Variants in PACRG observed in about 807,000 individuals in gnomAD.
PACRG encodes the protein parkin coregulated.
In PACRG, 29 loss-of-function variants were observed where a neutral mutation model predicts 29.7. The observed-to-expected ratio is 0.98, with a 90% CI of 0.73 to 1.33. The LOEUF (loss-of-function observed/expected upper bound fraction) is 1.33. Among genes scored for constraint, PACRG ranks in the 40% most tolerant of loss-of-function variants. The pLI, the probability that PACRG is intolerant of heterozygous loss-of-function variation, is 0.00. For synonymous variants in PACRG, 116 were observed against 118.7 expected, an observed-to-expected ratio of 0.98 and a Z score of 0.15; for missense variants, 279 against 316.2, an observed-to-expected ratio of 0.88 and a Z score of 0.89.
At chr6:162,751,031 C>T (rs1781472859) in intron 1 of PACRG, among the ~76,000 whole-genome samples, 1 of 152,114 alleles carries the variant, frequency 6.6e-6, no homozygotes, top group Non-Finnish European at 1.5e-5. Context: ...TTTACAAATG[C>T]ACTTAATTCA....
intron 4 of PACRG, among the ~76,000 whole-genome samples, chr6:163,105,670 G>A (rs1190621589): frequency 6.6e-6 from 1 of 152,080 alleles, no homozygotes; most frequent in Non-Finnish European, 1.5e-5. Flanking sequence ...GCTATTTGAG[G>A]TGTTCTAGAC....
intron 4 of PACRG, among the ~76,000 whole-genome samples, chr6:163,185,787 T>A (rs1779890133): frequency 6.6e-6 from 1 of 152,196 alleles, no homozygotes; most frequent in African/African-American, 2.4e-5. Context: ...CCGTGTAATG[T>A]CCTGATCCTG....
intron 2 of PACRG, among the ~76,000 whole-genome samples, chr6:162,921,302 G>T (rs538722035): frequency 6.6e-6 from 1 of 152,276 alleles, no homozygotes; most frequent in Non-Finnish European, 1.5e-5. Context: ...CCGCCAGGTG[G>T]TGGGGCAGGG....
intron 2 of PACRG, among the ~76,000 whole-genome samples, chr6:162,952,749 TA>T (rs1799747482): frequency 6.6e-6 from 1 of 152,144 alleles, no homozygotes; most frequent in South Asian, 2.1e-4. Context: ...GCATCATCCT[TA>T]GTCTGGGAAG....
intron 2 of PACRG, among the ~76,000 whole-genome samples, chr6:162,868,739 T>C (rs1792539743): frequency 6.6e-6 from 1 of 152,242 alleles, no homozygotes; most frequent in South Asian, 2.1e-4. Flanking sequence ...GCACAGGGTC[T>C]GCCGCGGGAT....
chr6:163,079,839 T>C (rs1491003319), intron 3 of PACRG, among the ~76,000 whole-genome samples: 1 of 150,050 alleles, frequency 6.7e-6, no homozygotes, highest in African/African-American at 2.5e-5. Flanking sequence ...CTAAACCCTG[T>C]GGAAATGTAG....
chr6:163,240,755 G>A (rs911519254), intron 4 of PACRG, among the ~76,000 whole-genome samples: 2 of 152,132 alleles, frequency 1.3e-5, no homozygotes, highest in Non-Finnish European at 2.9e-5. Flanking sequence ...CCTCACCCTC[G>A]GGGCGCTGCC....
chr6:162,981,305 A>ATATATATATATATATATATATATT lies in PACRG; in HGVS notation c.292-80844_292-80843insATATATATATATATATATATATTT, dbSNP rs925663285. 3.4e-3 allele frequency among the ~76,000 whole-genome samples: 512 copies of ATATATATATATATATATATATATT among 149,052 alleles called. 3 individuals carry two copies. Among genetic ancestry groups the ATATATATATATATATATATATATT allele is most frequent in the Middle Eastern group, 0.011 (3 of 280 alleles). On this transcript the variant is annotated intron_variant, in intron 2 of 4. Transcript: ENST00000366888. ...ATGTATAAAACATATATATATATAT[A>ATATATATATATATATATATATATT]TTTACAATGGCAAAAATATAGAACC...
intron 4 of PACRG, among the ~76,000 whole-genome samples, chr6:163,194,953 C>T (rs1446178089): frequency 6.6e-6 from 1 of 152,134 alleles, no homozygotes; most frequent in East Asian, 1.9e-4. Context: ...ATATTTGGGG[C>T]TCTTCAAGTG....
At chr6:163,008,558 G>A (rs898269743) in intron 2 of PACRG, among the ~76,000 whole-genome samples, 1 of 150,888 alleles carries the variant, frequency 6.6e-6, no homozygotes, top group African/African-American at 2.4e-5. Flanking sequence ...ACAAAGGATC[G>A]TTTGTGTCAA....
chr6:163,039,115 GAGA>G (rs1451287684), intron 2 of PACRG, among the ~76,000 whole-genome samples: 2 of 152,166 alleles, frequency 1.3e-5, no homozygotes, highest in East Asian at 3.8e-4. Context: ...TCTCATAATA[GAGA>G]AGGAGTTCTC....
intron 2 of PACRG, among the ~76,000 whole-genome samples, chr6:163,054,335 T>C (rs867567422): frequency 1.5e-4 from 23 of 152,168 alleles, no homozygotes; most frequent in Non-Finnish European, 2.2e-4. Context: ...TGTGAGGACA[T>C]TTTGAGAAGG....
intron 1 of PACRG, among the ~76,000 whole-genome samples, chr6:162,747,647 G>A (rs1356293046): frequency 1.3e-5 from 2 of 150,924 alleles, no homozygotes; most frequent in South Asian, 4.2e-4. Context: ...AGCTAATGCA[G>A]GGAAAGCCAG....
chr6:163,108,819 T>C (rs1585224626), intron 4 of PACRG, among the ~76,000 whole-genome samples: 1 of 151,214 alleles, frequency 6.6e-6, no homozygotes, highest in Admixed American at 6.6e-5. Flanking sequence ...AGATCTCTTG[T>C]ACATTTGGAA....
intron 2 of PACRG, among the ~76,000 whole-genome samples, chr6:162,828,145 T>A (rs1160392200): frequency 1.3e-5 from 2 of 152,238 alleles, no homozygotes; most frequent in Admixed American, 1.3e-4. Context: ...TGAATTTTCA[T>A]CTACTTGCAA....
chr6:162,745,107 T>A (rs983872414), intron 1 of PACRG, among the ~76,000 whole-genome samples: 1 of 152,184 alleles, frequency 6.6e-6, no homozygotes, highest in African/African-American at 2.4e-5. Flanking sequence ...TGAAATTTTT[T>A]AAAAAGATTC....
chr6:163,077,899 A>C (rs1397414041), intron 3 of PACRG, among the ~76,000 whole-genome samples: 1 of 152,116 alleles, frequency 6.6e-6, no homozygotes, highest in African/African-American at 2.4e-5. Context: ...GTGATCCAGC[A>C]CCCACGATGG....
chr6:162,910,009 A>G (rs1287427889), intron 2 of PACRG, among the ~76,000 whole-genome samples: 2 of 152,246 alleles, frequency 1.3e-5, no homozygotes, highest in South Asian at 2.1e-4. Context: ...CTTTAGAGCT[A>G]GAATGCCTGG....
intron 4 of PACRG, among the ~76,000 whole-genome samples, chr6:163,273,005 C>G (rs919791715): frequency 6.9e-6 from 1 of 145,624 alleles, no homozygotes; most frequent in Non-Finnish European, 1.5e-5. Flanking sequence ...CATTCTCCTG[C>G]CTCAGCCTCC....
Sources: allele counts gnomAD v4.1 joint callset (sites outside exome capture counted in the v4.1 genomes callset), GRCh38; gene constraint gnomAD v4.1.1; transcripts MANE v1.5; gene names NCBI Gene and HGNC (gene_info 2026-07-23, HGNC 2026-07-21).